Variants in EED observed in about 807,000 individuals in gnomAD.
The protein encoded by EED is embryonic ectoderm development.
In EED, 9 loss-of-function variants were observed where a neutral mutation model predicts 61.0. The ratio of observed to expected loss-of-function variants is 0.15; its 90% confidence interval spans 0.09 to 0.26. EED has a LOEUF of 0.26. EED is among the 10% of genes least tolerant of loss of function. EED has a pLI of 1.00. For synonymous variants in EED, 187 were observed against 174.4 expected (o/e 1.07, Z -0.57); for missense variants, 315 against 542.3 (o/e 0.58, Z 4.16).
At position 86,252,174 on chromosome 11, in the gene EED, A is replaced by G. The variant is rs1565689740; in HGVS notation, c.294A>G (p.Gly98=). Residue 98 remains glycine (G), a synonymous_variant, in exon 3 of 12, where the codon GGA becomes GGG. Coordinates refer to ENST00000263360, the MANE Select transcript of EED (RefSeq NM_003797.5). The part of the protein sequence containing the change: ...LKEDHNQPLF[G]VQFNWHSKEG... ...AAGATCATAACCAACCATTGTTTGG[A>G]GTTCAGTTTAACTGGCACAGTAAAG... 1 of 1,612,030 alleles carries G rather than the reference A, an allele frequency of 6.2e-7. No homozygotes were observed. The highest frequency in any genetic ancestry group is 8.5e-7 in the Non-Finnish European group (1 of 1,178,706).
At chr11:86,249,338 C>T (rs1195150763) in intron 1 of EED, among the ~76,000 whole-genome samples, 1 of 150,360 alleles carries the variant, frequency 6.7e-6, no homozygotes, top group Non-Finnish European at 1.5e-5. Context: ...TAAAAATAGC[C>T]CCTAAAGCAG....
chr11:86,245,128 G>A lies in EED; in HGVS notation c.-102G>A, dbSNP rs906906228. The A allele has an allele frequency of 5.8e-6, 5 of 859,460 alleles. No individual in the cohort carries two copies. Among genetic ancestry groups the A allele is most frequent in the Admixed American group, 6.0e-5 (2 of 33,366 alleles). The allele number at this position is 859,460 out of a possible 1,614,324, so 53.2% of individuals were successfully genotyped here. ...TGGGGGGGGCGGTGGAGGTGGCGGC[G>A]GCAGCGGCAACTTTGCGGCAAGCTC... On this transcript the variant is annotated 5_prime_UTR_variant, in exon 1 of 12. Transcript: ENST00000263360.
chr11:86,286,295 C>A, the EED span, among the ~76,000 whole-genome samples: 5 of 152,042 alleles, frequency 3.3e-5, no homozygotes, highest in African/African-American at 1.2e-4. Flanking sequence ...CCCGCCTCAG[C>A]CTCCCAAAGT....
intron 9 of EED, chr11:86,276,272 A>C: frequency 6.6e-6 from 1 of 152,240 alleles, no homozygotes; most frequent in East Asian, 1.9e-4. Flanking sequence ...CTTACTGCTT[A>C]GGTATGTGCA....
intron 11 of EED, 98 bp from the exon 12 acceptor site, chr11:86,278,301 G>T: frequency 6.7e-7 from 1 of 1,493,958 alleles, no homozygotes; most frequent in Non-Finnish European, 8.9e-7. Context: ...CTTTTCGTAT[G>T]ACTTGGAACA....
intron 9 of EED, among the ~76,000 whole-genome samples, chr11:86,274,695 C>A (rs758991770): frequency 1.3e-4 from 20 of 152,286 alleles, no homozygotes; most frequent in African/African-American, 4.6e-4. Context: ...TTACTGCCCC[C>A]CCTAGTGGTC....
At chr11:86,246,940 A>C (rs1354459147) in intron 1 of EED, among the ~76,000 whole-genome samples, 1 of 152,222 alleles carries the variant, frequency 6.6e-6, no homozygotes, top group African/African-American at 2.4e-5. Context: ...AGTACTAAGA[A>C]GAGTGTCTGC....
At position 86,246,183 on chromosome 11, in the gene EED, G is replaced by A. The variant is rs531920709; in HGVS notation, c.114+840G>A. ...CATTTAACCCAACTGAGTTTTAATTGACTCGCCAGTAAGAGCCGAATTGAC... is the reference window on the plus strand; with the variant it reads ...CATTTAACCCAACTGAGTTTTAATTAACTCGCCAGTAAGAGCCGAATTGAC... On this transcript the variant is annotated intron_variant, in intron 1 of 11. Transcript: ENST00000263360. Among the ~76,000 whole-genome samples the A allele has an allele frequency of 4.7e-4, 72 of 152,292 alleles. No individual in the cohort carries two copies. The South Asian group carries it at 7.9e-3, about 17-fold the overall frequency.
chr11:86,268,410 C>T (rs1291190188), intron 8 of EED, 46 bp from the exon 9 acceptor site: 3 of 1,249,416 alleles, frequency 2.4e-6, no homozygotes, highest in African/African-American at 3.1e-5. Context: ...TATGATTCTA[C>T]TATAATTTTT....
At position 86,244,958 on chromosome 11, in the gene EED, G is replaced by T; in HGVS notation, c.-272G>T. ...TTACATCGTGTAGACTGCCGGGAGG[G>T]CGGCGGGAAAAGGGCAAGACGGGAG... On this transcript the variant is annotated 5_prime_UTR_variant, in exon 1 of 12. Transcript: ENST00000263360. The T allele has an allele frequency of 6.4e-5, 26 of 404,648 alleles. No individual in the cohort carries two copies. The highest frequency in any genetic ancestry group is 1.4e-4 in the South Asian group (4 of 29,412). The allele number at this position is 404,648 out of a possible 1,614,324, so 25.1% of individuals were successfully genotyped here.
At chr11:86,277,232 T>C in intron 10 of EED, 94 bp downstream of exon 10, 4 of 1,175,986 alleles carry the variant, frequency 3.4e-6, no homozygotes, top group Admixed American at 2.4e-5. Flanking sequence ...CTTTTTCCTT[T>C]ACAAATCTAC....
chr11:86,285,746 C>A, the EED span, among the ~76,000 whole-genome samples: 2 of 148,288 alleles, frequency 1.3e-5, no homozygotes, highest in Admixed American at 6.7e-5. Context: ...TACAGGCGTG[C>A]GCCACCAAGC....
chr11:86,259,348 T>C (rs1945768613), intron 6 of EED, among the ~76,000 whole-genome samples: 2 of 150,674 alleles, frequency 1.3e-5, no homozygotes, highest in Non-Finnish European at 3.0e-5. Flanking sequence ...CTTTGATTTT[T>C]ATTTTTTGTT....
intron 9 of EED, among the ~76,000 whole-genome samples, chr11:86,268,773 T>G (rs1442487212): frequency 6.6e-6 from 1 of 152,226 alleles, no homozygotes; most frequent in East Asian, 1.9e-4. Context: ...CATTGAATTA[T>G]AATTCTTTGT....
intron 8 of EED, among the ~76,000 whole-genome samples, 180 bp downstream of exon 8, chr11:86,266,396 T>C (rs1280975283): frequency 1.3e-5 from 2 of 152,124 alleles, no homozygotes; most frequent in Non-Finnish European, 2.9e-5. Flanking sequence ...TTTGCAGTGT[T>C]TGTGGCTTAG....
At chr11:86,274,675 G>A (rs1014035266) in intron 9 of EED, among the ~76,000 whole-genome samples, 1 of 152,172 alleles carries the variant, frequency 6.6e-6, no homozygotes, top group South Asian at 2.1e-4. Flanking sequence ...GGAAGGGCCA[G>A]GATGCCTAAT....
intron 9 of EED, among the ~76,000 whole-genome samples, chr11:86,274,936 G>A (rs1427697970): frequency 6.6e-6 from 1 of 152,174 alleles, no homozygotes; most frequent in Non-Finnish European, 1.5e-5. Context: ...TTTTTCTAGG[G>A]TGTTTGGCTG....
Position 86,257,377 on chromosome 11 carries a change from G to A in EED, c.553-138G>A, listed in dbSNP as rs569558497. On this transcript the variant is annotated intron_variant, in intron 5 of 11. Transcript: ENST00000263360. ...TTTTTTTCCTTTTCACCTCAAGTTT[G>A]TTGGGTGATTTTAGTATGCAGCCAA... 144 of 233,366 alleles carry A rather than the reference G, an allele frequency of 6.2e-4. 2 individuals are homozygous for A. In the South Asian group the frequency reaches 0.015, roughly 25 times the overall value. 14.5% of individuals were successfully genotyped at this position (233,366 alleles called of 1,614,324 possible). A position where few individuals can be genotyped will look rare whatever the true frequency, so the allele number is the denominator to read the frequency against.
At chr11:86,263,325 A>G (rs757170643) in intron 6 of EED, among the ~76,000 whole-genome samples, 1 of 152,046 alleles carries the variant, frequency 6.6e-6, no homozygotes, top group Admixed American at 6.6e-5. Context: ...ACTCACACCA[A>G]TATAGGCTTT....
Sources: allele counts gnomAD v4.1 joint callset (sites outside exome capture counted in the v4.1 genomes callset), GRCh38; gene constraint gnomAD v4.1.1; transcripts MANE v1.5; gene names NCBI Gene and HGNC (gene_info 2026-07-23, HGNC 2026-07-21).